Variants in ATG7 observed in about 807,000 individuals in gnomAD.
ATG7 encodes the protein autophagy related 7.
ATG7 carries 70 observed loss-of-function variants against 82.4 expected under a neutral mutation model. That is an observed-to-expected ratio of 0.85 (90% CI 0.70 to 1.04). ATG7 has a LOEUF of 1.04. Among genes scored for constraint, ATG7 ranks in the 50% least tolerant of loss-of-function variants. The pLI is 0.00. For missense variants in ATG7, 792 were observed against 864.3 expected (o/e 0.92, Z 1.05); for synonymous variants, 287 against 313.0 (o/e 0.92, Z 0.88).
At chr3:11,397,919 C>T (rs1233645472) in intron 19 of ATG7, among the ~76,000 whole-genome samples, 1 of 151,086 alleles carries the variant, frequency 6.6e-6, no homozygotes, top group Non-Finnish European at 1.5e-5. Flanking sequence ...CACATCTCTA[C>T]TAAAAAATAC....
intron 20 of ATG7, chr3:11,446,818 C>G (rs1406836118): frequency 5.4e-6 from 1 of 185,410 alleles, no homozygotes; most frequent in Non-Finnish European, 1.1e-5. Flanking sequence ...TCACTGGTCT[C>G]CTGGACTGGG....
intron 20 of ATG7, among the ~76,000 whole-genome samples, chr3:11,495,807 A>C (rs1188173382): frequency 6.6e-6 from 1 of 152,230 alleles, no homozygotes; most frequent in African/African-American, 2.4e-5. Context: ...AGCCACTAGC[A>C]CACATTTTCA....
intron 20 of ATG7, among the ~76,000 whole-genome samples, chr3:11,506,491 G>C (rs1235242247): frequency 6.7e-6 from 1 of 148,678 alleles, no homozygotes; most frequent in Non-Finnish European, 1.5e-5. Context: ...GCCAAGGTGG[G>C]CAGATCACTT....
chr3:11,289,229 A>G (rs906502401), intron 3 of ATG7, among the ~76,000 whole-genome samples: 3 of 152,204 alleles, frequency 2.0e-5, no homozygotes, highest in African/African-American at 7.2e-5. Flanking sequence ...TTACTTTTTC[A>G]GGAAGTAGGT....
chr3:11,558,952 A>G, downstream of ATG7: 2 of 1,173,616 alleles, frequency 1.7e-6, no homozygotes, highest in Admixed American at 4.5e-5. Context: ...TGGGCTCTGC[A>G]GACAGAACCC....
chr3:11,495,688 G>A lies in ATG7; in HGVS notation c.2080-59123G>A, dbSNP rs569465083. Among the ~76,000 whole-genome samples, 5 of 152,164 alleles carry A rather than the reference G, an allele frequency of 3.3e-5. No homozygotes were observed. The East Asian group carries it at 7.7e-4, about 24-fold the overall frequency. On this transcript the variant is annotated intron_variant, in intron 20 of 20. Coordinates refer to ENST00000693202, the MANE Select transcript of ATG7 (RefSeq NM_001349232.2). ...TGCTGTCTTTAAAACTCCTGAAGCT[G>A]TAAGTCAGTCATGACTGATGGCCAT...
downstream of ATG7, among the ~76,000 whole-genome samples, chr3:11,561,850 T>G (rs1022242595): frequency 2.9e-5 from 4 of 140,044 alleles, no homozygotes; most frequent in African/African-American, 1.1e-4. Context: ...TCCCACCACC[T>G]CTCCTATCTG....
intron 20 of ATG7, among the ~76,000 whole-genome samples, chr3:11,459,935 G>T (rs1036487649): frequency 3.3e-5 from 5 of 152,174 alleles, no homozygotes; most frequent in African/African-American, 1.2e-4. Flanking sequence ...TGTGTGTTAG[G>T]AACAGTGCTT....
At chr3:11,325,866 T>C (rs949365718) in intron 9 of ATG7, among the ~76,000 whole-genome samples, 1 of 152,222 alleles carries the variant, frequency 6.6e-6, no homozygotes, top group African/African-American at 2.4e-5. Flanking sequence ...GCCTAGGTTC[T>C]TCCTAAGTAA....
In ATG7 at chr3:11,297,153, C is replaced by T. The variant is rs146141922; in HGVS notation, c.-10-1533C>T. ...TGGAAGGATCACAAATCCAAGAGCT[C>T]GAGACCAGCCTGGGTGACATGACAA... On this transcript the variant is annotated intron_variant, in intron 3 of 20. Transcript: ENST00000693202. Among the ~76,000 whole-genome samples, 734 of 152,164 alleles carry T rather than the reference C, an allele frequency of 4.8e-3. 6 individuals carry two copies. Among genetic ancestry groups the T allele is most frequent in the African/African-American group, 0.017 (703 of 41,514 alleles).
At chr3:11,352,920 C>T (rs951734533) in intron 14 of ATG7, among the ~76,000 whole-genome samples, 2 of 152,132 alleles carry the variant, frequency 1.3e-5, no homozygotes, top group African/African-American at 4.8e-5. Flanking sequence ...AGGAGCATTC[C>T]AGGGAAGAAA....
At chr3:11,336,031 C>T (rs186533615) in intron 11 of ATG7, among the ~76,000 whole-genome samples, 25 of 149,872 alleles carry the variant, frequency 1.7e-4, no homozygotes, top group Admixed American at 3.3e-4. Flanking sequence ...CCACTGTGCC[C>T]GGTCATTTTT....
chr3:11,334,537 C>A (rs1050800700), intron 11 of ATG7, among the ~76,000 whole-genome samples: 1 of 151,452 alleles, frequency 6.6e-6, no homozygotes, highest in Non-Finnish European at 1.5e-5. Flanking sequence ...AGTCACTGAG[C>A]CTGGCCTCAT....
chr3:11,290,460 T>C, intron 3 of ATG7: 1 of 274,454 alleles, frequency 3.6e-6, no homozygotes, highest in Non-Finnish European at 7.2e-6. Context: ...CTTCTCCACG[T>C]TCTCTTCCAC....
chr3:11,502,803 G>C (rs1181347644), intron 20 of ATG7, among the ~76,000 whole-genome samples: 2 of 152,126 alleles, frequency 1.3e-5, no homozygotes, highest in African/African-American at 4.8e-5. Context: ...GCTTAAATAG[G>C]AGAGTTGGTT....
intron 20 of ATG7, among the ~76,000 whole-genome samples, chr3:11,455,516 A>C (rs1035336841): frequency 6.6e-6 from 1 of 152,196 alleles, no homozygotes; most frequent in African/African-American, 2.4e-5. Context: ...TTTGTATAAA[A>C]GCCATCCCTG....
intron 18 of ATG7, among the ~76,000 whole-genome samples, chr3:11,376,204 A>G (rs768302613): frequency 6.6e-6 from 1 of 152,298 alleles, no homozygotes; most frequent in South Asian, 2.1e-4. Context: ...AATGAGGACT[A>G]ATTGCTGGGT....
chr3:11,573,548 C>T, the ATG7 span, among the ~76,000 whole-genome samples: 1 of 152,234 alleles, frequency 6.6e-6, no homozygotes. Context: ...ATCCACTTTG[C>T]TGTCCCTCCG....
intron 20 of ATG7, among the ~76,000 whole-genome samples, chr3:11,459,900 A>G (rs2086139846): frequency 1.3e-5 from 2 of 152,204 alleles, no homozygotes; most frequent in Admixed American, 1.3e-4. Context: ...CCGTATTAAC[A>G]TATTAAAAAT....
Sources: gnomAD v4.1 joint callset for allele counts (sites outside exome capture counted in the v4.1 genomes callset) on GRCh38, gnomAD v4.1.1 for gene constraint, MANE v1.5 for transcripts, NCBI Gene and HGNC (gene_info 2026-07-23, HGNC 2026-07-21) for gene names.